The following TMEM178B variants were observed in gnomAD, a reference collection of about 807,000 sequenced individuals.
TMEM178B encodes the protein transmembrane protein 178B.
Under a neutral mutation model 31.0 loss-of-function variants are expected in TMEM178B, and 5 were observed. That is an observed-to-expected ratio of 0.16 (90% CI 0.08 to 0.34). The LOEUF is 0.34. Ranked by LOEUF, TMEM178B falls within the 10% of genes least tolerant of loss-of-function variation. The probability of loss-of-function intolerance (pLI) is 1.00; values close to 1 mark genes in which losing one functional copy is unlikely to be tolerated. For missense variants in TMEM178B, 275 were observed against 400.3 expected, an observed-to-expected ratio of 0.69 and a Z score of 2.67; for synonymous variants, 164 against 164.0, an observed-to-expected ratio of 1.00 and a Z score of 0.00.
At chr7:141,452,340 G>T (rs140688218) in intron 3 of TMEM178B, among the ~76,000 whole-genome samples, 93 of 152,248 alleles carry the variant, frequency 6.1e-4, no homozygotes, top group African/African-American at 2.2e-3. Flanking sequence ...CATGCTAAGT[G>T]CCTGACTGAC....
At chr7:141,295,498 A>G (rs1296216117) in intron 2 of TMEM178B, among the ~76,000 whole-genome samples, 1 of 152,142 alleles carries the variant, frequency 6.6e-6, no homozygotes, top group East Asian at 1.9e-4. Context: ...CTTATGAGGT[A>G]TCCTTATTCA....
At chr7:141,178,031 T>C (rs1706015002) in intron 1 of TMEM178B, among the ~76,000 whole-genome samples, 1 of 152,236 alleles carries the variant, frequency 6.6e-6, no homozygotes, top group Non-Finnish European at 1.5e-5. Flanking sequence ...AGTTTCTTCA[T>C]AGCATCGATG....
chr7:141,111,457 T>G (rs1795233873), intron 1 of TMEM178B, among the ~76,000 whole-genome samples: 1 of 152,212 alleles, frequency 6.6e-6, no homozygotes, highest in Admixed American at 6.5e-5. Context: ...TGGAGACTGG[T>G]GTCTACAACC....
chr7:141,288,664 A>G (rs1168807423), intron 2 of TMEM178B, among the ~76,000 whole-genome samples: 1 of 152,028 alleles, frequency 6.6e-6, no homozygotes, highest in African/African-American at 2.4e-5. Flanking sequence ...TCCTTTGCAG[A>G]CGGACTGCTG....
intron 2 of TMEM178B, among the ~76,000 whole-genome samples, chr7:141,265,587 G>A (rs978165021): frequency 2.0e-5 from 3 of 152,152 alleles, no homozygotes; most frequent in African/African-American, 2.4e-5. Context: ...AGCATAGTAC[G>A]TGGCACCCTG....
At position 141,171,223 on chromosome 7, in the gene TMEM178B, A is replaced by G. The variant is rs1021305159; in HGVS notation, c.383-41368A>G. Among the ~76,000 whole-genome samples, 3 of 152,024 alleles carry G rather than the reference A, an allele frequency of 2.0e-5. No homozygotes were observed. Among genetic ancestry groups the G allele is most frequent in the Non-Finnish European group, 4.4e-5 (3 of 67,988 alleles). ...ATTCCAGCACTTTGGGAGGCTGAGGACAGAGGATCCCTTGCGTTCAGGAGT... is the reference window on the plus strand; with the variant it reads ...ATTCCAGCACTTTGGGAGGCTGAGGGCAGAGGATCCCTTGCGTTCAGGAGT... On this transcript the variant is annotated intron_variant, in intron 1 of 3. Transcript: ENST00000565468. This position sits in a 1 kb window ranked among gnomAD's most constrained non-coding sequence, Gnocchi z 4.3.
chr7:141,114,481 G>A (rs1648824351), intron 1 of TMEM178B, among the ~76,000 whole-genome samples: 1 of 152,228 alleles, frequency 6.6e-6, no homozygotes, highest in East Asian at 1.9e-4. Flanking sequence ...AGACCTGTTG[G>A]ACTTCATGCC....
intron 2 of TMEM178B, among the ~76,000 whole-genome samples, chr7:141,402,535 C>T (rs534605244): frequency 7.9e-5 from 12 of 152,334 alleles, no homozygotes; most frequent in African/African-American, 2.9e-4. Context: ...GCCACCAGCA[C>T]CCTAGGACCA....
At chr7:141,218,301 G>GGGAGAAGAGA (rs1415508156) in intron 2 of TMEM178B, among the ~76,000 whole-genome samples, 1 of 152,142 alleles carries the variant, frequency 6.6e-6, no homozygotes, top group African/African-American at 2.4e-5. Flanking sequence ...GGCAGAGGGA[G>GGGAGAAGAGA]GGAGAAGAGA....
chr7:141,259,528 G>A (rs1797981416), intron 2 of TMEM178B, among the ~76,000 whole-genome samples: 2 of 152,070 alleles, frequency 1.3e-5, no homozygotes, highest in South Asian at 4.1e-4. Context: ...GGTGAAAACT[G>A]GAAATTTTAG....
intron 2 of TMEM178B, among the ~76,000 whole-genome samples, chr7:141,404,357 T>C (rs1800843389): frequency 6.6e-6 from 1 of 152,154 alleles, no homozygotes; most frequent in Admixed American, 6.5e-5. Flanking sequence ...CGGAAATTTA[T>C]TCTCACAGTT....
chr7:141,106,501 C>G (rs1052225526), intron 1 of TMEM178B, among the ~76,000 whole-genome samples: 1 of 152,162 alleles, frequency 6.6e-6, no homozygotes, highest in Non-Finnish European at 1.5e-5. Context: ...AGTACAAGCT[C>G]ACAGTTATTT....
At chr7:141,494,421 A>G in the TMEM178B span, among the ~76,000 whole-genome samples, 1 of 152,238 alleles carries the variant, frequency 6.6e-6, no homozygotes, top group African/African-American at 2.4e-5. Flanking sequence ...TAGCCCTAAA[A>G]TTCTAAGAAA....
chr7:141,437,659 T>G lies in TMEM178B; in HGVS notation c.548T>G (p.Leu183Arg). The change falls in exon 3 of 4, where the codon CTC becomes CGC. Residue 183 changes from leucine to arginine, a missense_variant. Transcript: ENST00000565468. The part of the protein sequence containing the change: ...GFMGMAVAII[L>R]FGWIIGVLGC... ...ATGGGCATGGCGGTGGCCATCATCC[T>G]CTTTGGCTGGATCATCGGCGTGCTG... 1 of 1,536,162 alleles carries G rather than the reference T, an allele frequency of 6.5e-7. No individual in the cohort carries two copies. Among genetic ancestry groups the G allele is most frequent in the Non-Finnish European group, 8.7e-7 (1 of 1,146,904 alleles).
intron 2 of TMEM178B, among the ~76,000 whole-genome samples, chr7:141,420,315 G>A (rs1801181035): frequency 1.3e-5 from 2 of 152,292 alleles, no homozygotes; most frequent in South Asian, 2.1e-4. Context: ...GCACACAGCA[G>A]CTGCTTGAGA....
intron 1 of TMEM178B, among the ~76,000 whole-genome samples, chr7:141,125,587 G>A (rs1446195270): frequency 1.3e-5 from 2 of 151,674 alleles, no homozygotes; most frequent in Non-Finnish European, 2.9e-5. Flanking sequence ...AGGCTGAGGA[G>A]GAGAATTGCC....
chr7:141,276,789 A>G (rs1798273428), intron 2 of TMEM178B, among the ~76,000 whole-genome samples: 1 of 152,152 alleles, frequency 6.6e-6, no homozygotes, highest in South Asian at 2.1e-4. Flanking sequence ...CCTACTTACT[A>G]TACACCTAGG....
At chr7:141,079,372 G>T (rs1236539334) in intron 1 of TMEM178B, among the ~76,000 whole-genome samples, 1 of 152,172 alleles carries the variant, frequency 6.6e-6, no homozygotes. Flanking sequence ...ACTGGCTATT[G>T]TATGGGACAG....
intron 1 of TMEM178B, among the ~76,000 whole-genome samples, chr7:141,186,769 T>C (rs1158192395): frequency 1.3e-5 from 2 of 151,958 alleles, no homozygotes; most frequent in East Asian, 3.9e-4. Context: ...GGACGGTGAG[T>C]AGCCCCACCA....
Sources: gnomAD v4.1 joint callset for allele counts (sites outside exome capture counted in the v4.1 genomes callset) on GRCh38, gnomAD v4.1.1 for gene constraint, Gnocchi (gnomAD v3.1) non-coding constraint, MANE v1.5 for transcripts, NCBI Gene and HGNC (gene_info 2026-07-23, HGNC 2026-07-21) for gene names.